SPMIP4: variants seen among roughly 807,000 people sequenced by gnomAD.
SPMIP4 encodes sperm microtubule inner protein 4.
At chr7:25,130,865 T>C in the SPMIP4 span, among the ~76,000 whole-genome samples, 1 of 152,260 alleles carries the variant, frequency 6.6e-6, no homozygotes, top group Non-Finnish European at 1.5e-5. Flanking sequence ...GAAATAGCTA[T>C]GTCAGATTTA....
the SPMIP4 span, chr7:25,134,931 G>T: frequency 4.1e-6 from 4 of 985,256 alleles, no homozygotes; most frequent in Admixed American, 1.8e-4. Context: ...AATGTAACTA[G>T]TGCTGTACAG....
At chr7:25,128,649 C>T in the SPMIP4 span, among the ~76,000 whole-genome samples, 1 of 152,208 alleles carries the variant, frequency 6.6e-6, no homozygotes, top group Non-Finnish European at 1.5e-5. This position sits in a 1 kb window ranked among gnomAD's most constrained non-coding sequence, Gnocchi z 4.5. Flanking sequence ...GGAGCCAAGG[C>T]ATGGAATCAG....
the SPMIP4 span, among the ~76,000 whole-genome samples, chr7:25,172,409 C>T: frequency 1.3e-5 from 2 of 152,130 alleles, no homozygotes; most frequent in Non-Finnish European, 2.9e-5. This position sits in a 1 kb window ranked among gnomAD's most constrained non-coding sequence, Gnocchi z 4.2. Flanking sequence ...GGGAGAAACC[C>T]TTGGCGACAG....
chr7:25,139,287 T>C, the SPMIP4 span, among the ~76,000 whole-genome samples: 1 of 152,318 alleles, frequency 6.6e-6, no homozygotes, highest in South Asian at 2.1e-4. Flanking sequence ...ATTTTTATTA[T>C]TTCTGGATGA....
the SPMIP4 span, among the ~76,000 whole-genome samples, chr7:25,154,334 T>C: frequency 2.0e-5 from 3 of 152,208 alleles, no homozygotes; most frequent in African/African-American, 7.2e-5. Context: ...CATGTATCAT[T>C]TCTGTCCCTC....
At chr7:25,140,496 T>G in the SPMIP4 span, among the ~76,000 whole-genome samples, 201 of 152,102 alleles carry the variant, frequency 1.3e-3, no homozygotes, top group African/African-American at 4.7e-3. Flanking sequence ...GAGACAGGGT[T>G]TCACCATGTT....
At chr7:25,164,028 A>G in the SPMIP4 span, among the ~76,000 whole-genome samples, 1 of 152,218 alleles carries the variant, frequency 6.6e-6, no homozygotes, top group Non-Finnish European at 1.5e-5. Flanking sequence ...GAACATTAGG[A>G]TGGCTTACTG....
chr7:25,177,373 C>T, the SPMIP4 span, among the ~76,000 whole-genome samples: 1 of 151,492 alleles, frequency 6.6e-6, no homozygotes, highest in Non-Finnish European at 1.5e-5. Context: ...GTCCCAGCTA[C>T]TCAGGAGGCT....
At chr7:25,156,863 A>G in the SPMIP4 span, among the ~76,000 whole-genome samples, 1 of 152,020 alleles carries the variant, frequency 6.6e-6, no homozygotes, top group Admixed American at 6.6e-5. Flanking sequence ...AATTTTTTGT[A>G]TCTGTAGTAG....
At chr7:25,158,287 C>T in the SPMIP4 span, among the ~76,000 whole-genome samples, 1 of 149,492 alleles carries the variant, frequency 6.7e-6, no homozygotes, top group Non-Finnish European at 1.5e-5. Context: ...AGGATCACCT[C>T]ATCCCAGGGA....
chr7:25,173,236 T>C, the SPMIP4 span, among the ~76,000 whole-genome samples: 1 of 152,124 alleles, frequency 6.6e-6, no homozygotes, highest in Non-Finnish European at 1.5e-5. This position sits in a 1 kb window ranked among gnomAD's most constrained non-coding sequence, Gnocchi z 4.4. Flanking sequence ...CCTGTAATAA[T>C]TGTTGAATAG....
the SPMIP4 span, among the ~76,000 whole-genome samples, chr7:25,140,377 C>G: frequency 6.6e-6 from 1 of 152,202 alleles, no homozygotes. Context: ...CCTTTGCTCA[C>G]AGCAACCTCT....
the SPMIP4 span, among the ~76,000 whole-genome samples, chr7:25,141,002 C>T: frequency 6.8e-4 from 103 of 152,214 alleles, no homozygotes; most frequent in African/African-American, 1.6e-3. Flanking sequence ...TTGTAGTCGT[C>T]GAGAATAAAA....
the SPMIP4 span, among the ~76,000 whole-genome samples, chr7:25,154,115 G>C: frequency 6.6e-6 from 1 of 152,204 alleles, no homozygotes; most frequent in Admixed American, 6.5e-5. Flanking sequence ...TCTGACTCTA[G>C]AATCCATGCT....
At chr7:25,142,152 G>A in the SPMIP4 span, 1 of 865,800 alleles carries the variant, frequency 1.2e-6, no homozygotes, top group South Asian at 1.6e-5. Flanking sequence ...TAACTTGGTT[G>A]CTAAAACCCA....
chr7:25,155,378 C>T, the SPMIP4 span, among the ~76,000 whole-genome samples: 2 of 151,952 alleles, frequency 1.3e-5, no homozygotes, highest in Non-Finnish European at 2.9e-5. Flanking sequence ...GAATGTATAC[C>T]ACAAAACAGG....
the SPMIP4 span, among the ~76,000 whole-genome samples, chr7:25,150,091 G>A: frequency 4.6e-5 from 7 of 152,204 alleles, no homozygotes; most frequent in African/African-American, 1.7e-4. Context: ...GGTGGGGCCA[G>A]GCTGCAGGCT....
chr7:25,153,609 G>T, the SPMIP4 span, among the ~76,000 whole-genome samples: 1 of 151,718 alleles, frequency 6.6e-6, no homozygotes, highest in Non-Finnish European at 1.5e-5. Flanking sequence ...ATATTTCTGT[G>T]ATTTCTTGCT....
chr7:25,127,282 A>T, the SPMIP4 span, among the ~76,000 whole-genome samples: 1 of 152,036 alleles, frequency 6.6e-6, no homozygotes, highest in South Asian at 2.1e-4. Context: ...TTCTACCCTG[A>T]TCTCTCTCTC....
Sources: gnomAD v4.1 joint callset for allele counts (sites outside exome capture counted in the v4.1 genomes callset) on GRCh38, gnomAD v4.1.1 for gene constraint, Gnocchi (gnomAD v3.1) non-coding constraint, MANE v1.5 for transcripts, NCBI Gene and HGNC (gene_info 2026-07-23, HGNC 2026-07-21) for gene names.